The following MGAT4C variants were observed in gnomAD, a reference collection of about 807,000 sequenced individuals.
MGAT4C encodes the protein MGAT4 family member C.
In MGAT4C, 19 loss-of-function variants were observed where a neutral mutation model predicts 40.1. That is an observed-to-expected ratio of 0.47 (90% CI 0.33 to 0.70). The LOEUF (loss-of-function observed/expected upper bound fraction) is 0.70, where lower values mean the gene tolerates loss of function less well. MGAT4C is among the 30% of genes least tolerant of loss of function. MGAT4C has a pLI of 0.02. For synonymous variants in MGAT4C, 181 were observed against 187.1 expected, an observed-to-expected ratio of 0.97 and a Z score of 0.27; for missense variants, 491 against 563.2, an observed-to-expected ratio of 0.87 and a Z score of 1.30.
chr12:86,824,751 AAAAG>A (rs773266554), intron 1 of MGAT4C, among the ~76,000 whole-genome samples: 100 of 148,458 alleles, frequency 6.7e-4, no homozygotes, highest in African/African-American at 2.1e-3. Flanking sequence ...AAAAAAAAAA[AAAAG>A]AGAGAGAGAG....
At chr12:86,410,455 C>T (rs916929971) in intron 3 of MGAT4C, among the ~76,000 whole-genome samples, 8 of 152,124 alleles carry the variant, frequency 5.3e-5, no homozygotes, top group African/African-American at 1.9e-4. Context: ...TATAGCCTCT[C>T]TGCAATAAGA....
rs1417055552 is a variant in MGAT4C, at chr12:86,714,839, A to C, written c.-229+12370T>G. Reference sequence around the variant, plus strand: ...GAAAGAATTAAAGTAGGAAGGAAGAAAGGGTAGAAGAAAGATGTAACGAGA... The same window carrying C: ...GAAAGAATTAAAGTAGGAAGGAAGACAGGGTAGAAGAAAGATGTAACGAGA... On this transcript the variant is annotated intron_variant, in intron 2 of 7. Coordinates refer to the MGAT4C transcript ENST00000548651. 3.3e-5 allele frequency among the ~76,000 whole-genome samples: 5 copies of C among 151,672 alleles called. No individual in the cohort carries two copies. In the East Asian group the frequency reaches 7.8e-4, roughly 24 times the overall value.
At chr12:86,373,479 T>A (rs1955760970) in intron 3 of MGAT4C, among the ~76,000 whole-genome samples, 1 of 151,904 alleles carries the variant, frequency 6.6e-6, no homozygotes, top group Admixed American at 6.6e-5. Context: ...ATTTTTCTTG[T>A]CTTTATTTTT....
At chr12:86,406,160 A>C (rs943214737) in intron 3 of MGAT4C, among the ~76,000 whole-genome samples, 1 of 150,428 alleles carries the variant, frequency 6.6e-6, no homozygotes, top group Non-Finnish European at 1.5e-5. Flanking sequence ...AATATAAAGC[A>C]TAAGTAAAAA....
At chr12:86,217,777 T>C (rs1265339395) in intron 1 of MGAT4C, among the ~76,000 whole-genome samples, 1 of 152,152 alleles carries the variant, frequency 6.6e-6, no homozygotes, top group Non-Finnish European at 1.5e-5. Context: ...TATGAAGAGA[T>C]TTTGTTTTAG....
intron 1 of MGAT4C, among the ~76,000 whole-genome samples, chr12:86,794,760 G>C (rs1952082328): frequency 6.6e-6 from 1 of 151,764 alleles, no homozygotes; most frequent in African/African-American, 2.4e-5. Flanking sequence ...TTAATTAACT[G>C]AGTACAAACA....
chr12:86,070,373 T>C (rs558962543), intron 1 of MGAT4C, among the ~76,000 whole-genome samples: 4 of 152,086 alleles, frequency 2.6e-5, no homozygotes, highest in African/African-American at 4.8e-5. Context: ...ATCTTTTTTT[T>C]CCTCTGATTG....
chr12:86,142,947 A>T (rs959101642), intron 1 of MGAT4C, among the ~76,000 whole-genome samples: 4 of 152,156 alleles, frequency 2.6e-5, no homozygotes, highest in African/African-American at 7.2e-5. Context: ...ATGTCCCCTT[A>T]TAAGAAGAGG....
chr12:86,290,502 G>T (rs1162905694), intron 4 of MGAT4C, among the ~76,000 whole-genome samples: 1 of 152,068 alleles, frequency 6.6e-6, no homozygotes, highest in Non-Finnish European at 1.5e-5. Context: ...GTGAGATATT[G>T]ACAAAACAAA....
chr12:86,284,875 A>T (rs147748026), intron 4 of MGAT4C, among the ~76,000 whole-genome samples: 25 of 152,136 alleles, frequency 1.6e-4, no homozygotes, highest in African/African-American at 5.8e-4. Flanking sequence ...TCCTGAGAGC[A>T]TATGTCATCT....
chr12:86,431,987 A>G (rs1957048523), intron 3 of MGAT4C, among the ~76,000 whole-genome samples: 1 of 152,130 alleles, frequency 6.6e-6, no homozygotes, highest in Admixed American at 6.6e-5. Flanking sequence ...TATTAGGTCA[A>G]CTATTGTGTC....
rs10746360 is a variant in MGAT4C, at chr12:86,086,387, C to T, written c.-56-36664G>A. Among the ~76,000 whole-genome samples the T allele has an allele frequency of 5.9e-5, 9 of 151,618 alleles. No individual in the cohort carries two copies. The East Asian group carries it at 1.6e-3, about 26-fold the overall frequency. On this transcript the variant is annotated intron_variant, in intron 1 of 4. Transcript: ENST00000611864. ...GAACATCACACACCGGGGCCTTTTG[C>T]GGGTGGGGAGCAAGGGGAGGAATAG...
chr12:86,834,780 T>C (rs1277589618), intron 1 of MGAT4C, among the ~76,000 whole-genome samples: 2 of 151,918 alleles, frequency 1.3e-5, no homozygotes, highest in East Asian at 1.9e-4. Context: ...TGTCTCCTCA[T>C]TGGTGTGTAG....
chr12:86,439,155 C>T (rs1957186180), intron 2 of MGAT4C, among the ~76,000 whole-genome samples: 1 of 151,880 alleles, frequency 6.6e-6, no homozygotes, highest in Non-Finnish European at 1.5e-5. Flanking sequence ...ACATTCTACC[C>T]AATAACTGCA....
intron 2 of MGAT4C, among the ~76,000 whole-genome samples, chr12:86,456,974 G>A (rs1957520341): frequency 6.6e-6 from 1 of 152,072 alleles, no homozygotes; most frequent in Non-Finnish European, 1.5e-5. Context: ...ATTTTCAAAA[G>A]CCGGACTCCT....
chr12:86,504,502 A>G (rs559538369), intron 2 of MGAT4C, among the ~76,000 whole-genome samples: 177 of 152,280 alleles, frequency 1.2e-3, no homozygotes, highest in African/African-American at 4.2e-3. Context: ...ATGTTTACTT[A>G]AAAACAAAAC....
chr12:86,219,998 G>A, intron 1 of MGAT4C, among the ~76,000 whole-genome samples: 1 of 152,028 alleles, frequency 6.6e-6, no homozygotes, highest in East Asian at 1.9e-4. Flanking sequence ...CCCAGAGATT[G>A]GGTTTTTGGA....
chr12:86,638,031 G>A (rs192743645), intron 2 of MGAT4C, among the ~76,000 whole-genome samples: 1 of 151,928 alleles, frequency 6.6e-6, no homozygotes, highest in East Asian at 1.9e-4. Flanking sequence ...CTTCCTCCTT[G>A]TTAAATTGTT....
At chr12:86,266,951 T>G (rs114872343) in intron 4 of MGAT4C, among the ~76,000 whole-genome samples, 2,945 of 152,180 alleles carry the variant, frequency 0.019, 78 homozygotes, top group African/African-American at 0.067. Context: ...TATTCTCTAA[T>G]GATCTTTTAT....
Sources: allele counts gnomAD v4.1 joint callset (sites outside exome capture counted in the v4.1 genomes callset), GRCh38; gene constraint gnomAD v4.1.1; transcripts MANE v1.5; gene names NCBI Gene and HGNC (gene_info 2026-07-23, HGNC 2026-07-21).